Variants in XRCC5 observed in about 807,000 individuals in gnomAD.
XRCC5 encodes the protein DNA repair protein Ku80.
In XRCC5, 12 loss-of-function variants were observed where a neutral mutation model predicts 95.7. That is an observed-to-expected ratio of 0.13 (90% CI 0.08 to 0.20). XRCC5 has a LOEUF of 0.20. XRCC5 is among the 10% of genes least tolerant of loss of function. The pLI is 1.00. For synonymous variants in XRCC5, 281 were observed against 290.3 expected, an observed-to-expected ratio of 0.97 and a Z score of 0.33; for missense variants, 595 against 873.9, an observed-to-expected ratio of 0.68 and a Z score of 4.02.
intron 16 of XRCC5, among the ~76,000 whole-genome samples, chr2:216,166,319 G>A (rs546237596): frequency 4.1e-4 from 62 of 151,994 alleles, no homozygotes; most frequent in East Asian, 1.9e-4. Context: ...ATGAGGTTTC[G>A]CCATGTTATC....
chr2:216,172,459 C>G (rs927991073), intron 16 of XRCC5, among the ~76,000 whole-genome samples: 1 of 88,376 alleles, frequency 1.1e-5, no homozygotes, highest in Non-Finnish European at 2.3e-5. Flanking sequence ...TTAGCATCAG[C>G]TTTTCTTTTC....
chr2:216,122,278 A>C lies in XRCC5; in HGVS notation c.683+25A>C, dbSNP rs767083380. 3 of 1,575,272 alleles carry C rather than the reference A, an allele frequency of 1.9e-6. No homozygotes were observed. In the African/African-American group the frequency reaches 4.1e-5, roughly 21 times the overall value. ...GGTAAGAATTGAAAACATTGATGGG[A>C]ATTTTTAATTGTACCCACGTAAATT... On this transcript the variant is annotated intron_variant, in intron 6 of 20. Transcript: ENST00000392132.
intron 17 of XRCC5, 93 bp from the exon 18 acceptor site, chr2:216,192,546 G>A (rs182487306): frequency 6.6e-4 from 476 of 719,044 alleles, no homozygotes; most frequent in Middle Eastern, 1.0e-3. Context: ...AATAAATAAG[G>A]TGATTCAGAC....
At chr2:216,121,202 C>T (rs1166626341) in intron 5 of XRCC5, among the ~76,000 whole-genome samples, 1 of 152,216 alleles carries the variant, frequency 6.6e-6, no homozygotes, top group African/African-American at 2.4e-5. Flanking sequence ...TAACCTGATG[C>T]AAACCCTGTG....
At chr2:216,117,136 T>C (rs1207605750) in intron 3 of XRCC5, 19 of 337,862 alleles carry the variant, frequency 5.6e-5, no homozygotes, top group Admixed American at 3.5e-4. Flanking sequence ...ATTGACTATA[T>C]GCAGAGGGTT....
chr2:216,199,808 ATCTTTT>A (rs1689801138), intron 19 of XRCC5, among the ~76,000 whole-genome samples: 1 of 121,890 alleles, frequency 8.2e-6, no homozygotes, highest in Non-Finnish European at 1.6e-5. Flanking sequence ...TGGCATTGGG[ATCTTTT>A]TTTTTTTTTT....
At position 216,109,422 on chromosome 2, in the gene XRCC5, C is replaced by T. The variant is rs944608935; in HGVS notation, c.-15C>T. ...CGCCCGGAAGAAGCGACCAAAGCGC[C>T]TGAGGACCGGCAACATGGTGCGGTC... On this transcript the variant is annotated 5_prime_UTR_variant, in exon 1 of 21. Coordinates refer to ENST00000392132, the MANE Select transcript of XRCC5 (RefSeq NM_021141.4). 1.2e-6 allele frequency: 2 copies of T among 1,613,874 alleles called. No homozygotes were observed. Among genetic ancestry groups the T allele is most frequent in the Non-Finnish European group, 1.7e-6 (2 of 1,179,952 alleles).
chr2:216,195,006 T>G lies in XRCC5; in HGVS notation c.2109+20T>G. Reference sequence around the variant, plus strand: ...AAAAAGGTATTGAGGGGTAAACCTTTGTCTTTAGTTGAATTATTATAGTGG... The same window carrying G: ...AAAAAGGTATTGAGGGGTAAACCTTGGTCTTTAGTTGAATTATTATAGTGG... On this transcript the variant is annotated intron_variant, in intron 19 of 20. Transcript: ENST00000392132. 1 of 1,611,564 alleles carries G rather than the reference T, an allele frequency of 6.2e-7. No individual in the cohort carries two copies. Among genetic ancestry groups the G allele is most frequent in the Non-Finnish European group, 8.5e-7 (1 of 1,177,864 alleles).
intron 18 of XRCC5, among the ~76,000 whole-genome samples, chr2:216,193,709 T>C (rs1689662237): frequency 6.6e-6 from 1 of 152,226 alleles, no homozygotes; most frequent in Non-Finnish European, 1.5e-5. Context: ...TATAGCGTAT[T>C]ATTTGCTGAA....
intron 16 of XRCC5, 79 bp from the exon 17 acceptor site, chr2:216,190,145 AC>A: frequency 3.3e-6 from 4 of 1,207,764 alleles, no homozygotes; most frequent in Non-Finnish European, 2.4e-6. Context: ...TATAATACAT[AC>A]TTATAGGCAC....
At position 216,149,962 on chromosome 2, in the gene XRCC5, G is replaced by A. The variant is rs538857355; in HGVS notation, c.1670+1686G>A. Among the ~76,000 whole-genome samples, 274 of 152,238 alleles carry A rather than the reference G, an allele frequency of 1.8e-3. 2 individuals are homozygous for A. Among genetic ancestry groups the A allele is most frequent in the Middle Eastern group, 0.014 (4 of 294 alleles). On this transcript the variant is annotated intron_variant, in intron 14 of 20. Coordinates refer to ENST00000392132, the MANE Select transcript of XRCC5 (RefSeq NM_021141.4). ...TCTCTCTCTCTTCTGAGAAAGCTTA[G>A]TTTTTAAGAATTGTGGAAATGATTC...
intron 12 of XRCC5, among the ~76,000 whole-genome samples, chr2:216,139,018 T>C (rs1697133076): frequency 6.6e-6 from 1 of 152,106 alleles, no homozygotes; most frequent in Admixed American, 6.6e-5. Flanking sequence ...TTATCTTCCT[T>C]CTAGAAATGA....
chr2:216,128,413 T>G (rs1250134014), intron 8 of XRCC5, among the ~76,000 whole-genome samples: 1 of 152,184 alleles, frequency 6.6e-6, no homozygotes, highest in Non-Finnish European at 1.5e-5. Context: ...TGTATATATT[T>G]GTGTGTGTTG....
At chr2:216,117,563 T>G in intron 3 of XRCC5, 183 bp from the exon 4 acceptor site, 1 of 535,990 alleles carries the variant, frequency 1.9e-6, no homozygotes, top group Non-Finnish European at 3.4e-6. Flanking sequence ...GAATATATAG[T>G]TTGATATATA....
In XRCC5 at chr2:216,128,891, C is replaced by T. The variant is rs577166204; in HGVS notation, c.937+1217C>T. Among the ~76,000 whole-genome samples, 7 of 152,374 alleles carry T rather than the reference C, an allele frequency of 4.6e-5. No homozygotes were observed. In the South Asian group the frequency reaches 1.4e-3, roughly 32 times the overall value. ...ACTCGTTCACATATTCAAAGCCCCA[C>T]AGTTCTCAACTAGCAGGACTTGGAT... On this transcript the variant is annotated intron_variant, in intron 8 of 20. Transcript: ENST00000392132.
At chr2:216,120,840 G>C (rs780404865) in intron 5 of XRCC5, among the ~76,000 whole-genome samples, 43 of 152,094 alleles carry the variant, frequency 2.8e-4, no homozygotes, top group Non-Finnish European at 5.7e-4. Flanking sequence ...GGCTCAAGCA[G>C]TTCTCCTATC....
intron 16 of XRCC5, among the ~76,000 whole-genome samples, chr2:216,188,494 A>G (rs1689550799): frequency 6.6e-6 from 1 of 152,244 alleles, no homozygotes; most frequent in South Asian, 2.1e-4. Context: ...CATTTATATT[A>G]TAGCTTCCTA....
At chr2:216,164,067 A>C (rs896035162) in intron 16 of XRCC5, among the ~76,000 whole-genome samples, 1 of 152,234 alleles carries the variant, frequency 6.6e-6, no homozygotes, top group Non-Finnish European at 1.5e-5. Flanking sequence ...TGGAGTGATC[A>C]AGACACTTTC....
At position 216,203,813 on chromosome 2, in the gene XRCC5, G is replaced by T. The variant is rs890861154; in HGVS notation, c.2110-509G>T. 2.5e-4 allele frequency among the ~76,000 whole-genome samples: 36 copies of T among 143,574 alleles called. 4 individuals carry two copies. In the South Asian group the frequency reaches 7.3e-3, roughly 29 times the overall value. 94.2% of individuals were successfully genotyped at this position (143,574 alleles called of 152,430 possible). The stretch of plus-strand genomic sequence containing the variant: ...GAGAAGTCCCCCTTTTACTGCTTTT[G>T]TCCACAGTGGAATTTAAGAGTAGAT... On this transcript the variant is annotated intron_variant, in intron 19 of 20. Coordinates refer to ENST00000392132, the MANE Select transcript of XRCC5 (RefSeq NM_021141.4).
Sources: gnomAD v4.1 joint callset for allele counts (sites outside exome capture counted in the v4.1 genomes callset) on GRCh38, gnomAD v4.1.1 for gene constraint, MANE v1.5 for transcripts, NCBI Gene and HGNC (gene_info 2026-07-23, HGNC 2026-07-21) for gene names.